The following EXOC2 variants were observed in gnomAD, a reference collection of about 807,000 sequenced individuals.
EXOC2 encodes the protein exocyst complex component 2, also known as SEC5-like 1.
EXOC2 carries 70 observed loss-of-function variants against 131.8 expected under a neutral mutation model. That is an observed-to-expected ratio of 0.53 (90% confidence interval 0.44 to 0.65). EXOC2 has a LOEUF of 0.65. Among genes scored for constraint, EXOC2 ranks in the 30% least tolerant of loss-of-function variants. The probability of loss-of-function intolerance (pLI) is 0.00; values close to 1 mark genes in which losing one functional copy is unlikely to be tolerated. For missense variants in EXOC2, 923 were observed against 1,108.6 expected (o/e 0.83, Z 2.38); for synonymous variants, 411 against 398.4 (o/e 1.03, Z -0.38).
At chr6:634,818 G>C (rs1291926826) in intron 2 of EXOC2, among the ~76,000 whole-genome samples, 2 of 151,838 alleles carry the variant, frequency 1.3e-5, no homozygotes, top group Non-Finnish European at 2.9e-5. Flanking sequence ...GCATGTCTTT[G>C]ATATTTTTTC....
At chr6:658,666 T>TATATATATATATATATA (rs1554146211) in intron 1 of EXOC2, among the ~76,000 whole-genome samples, 7 of 65,930 alleles carry the variant, frequency 1.1e-4, no homozygotes, top group South Asian at 3.9e-4. Context: ...TATATATATA[T>TATATATATATATATATA]TTTTTTTTTT....
At chr6:630,959 G>A (rs1761814739) in intron 3 of EXOC2, among the ~76,000 whole-genome samples, 1 of 152,184 alleles carries the variant, frequency 6.6e-6, no homozygotes. Context: ...CTTCCTTTAT[G>A]GGACTGAACT....
intron 1 of EXOC2, among the ~76,000 whole-genome samples, chr6:663,916 T>G (rs112046429): frequency 6.6e-6 from 1 of 152,154 alleles, no homozygotes; most frequent in Non-Finnish European, 1.5e-5. Context: ...CTCTTCAACA[T>G]AGTACTGCAA....
intron 6 of EXOC2, among the ~76,000 whole-genome samples, chr6:613,318 A>C (rs1441029588): frequency 3.3e-5 from 5 of 152,226 alleles, no homozygotes; most frequent in Non-Finnish European, 7.3e-5. Flanking sequence ...CAATGGCATA[A>C]AAACTTAAGG....
At chr6:646,709 G>A (rs1043286249) in intron 1 of EXOC2, among the ~76,000 whole-genome samples, 19 of 152,048 alleles carry the variant, frequency 1.2e-4, no homozygotes, top group Non-Finnish European at 2.4e-4. Context: ...TAATAGTTAC[G>A]TTTATATAAA....
At chr6:654,755 G>A (rs952674883) in intron 1 of EXOC2, among the ~76,000 whole-genome samples, 1 of 121,846 alleles carries the variant, frequency 8.2e-6, no homozygotes, top group Non-Finnish European at 1.6e-5. Flanking sequence ...AGTGAGCCAT[G>A]ATTGTACCAC....
intron 1 of EXOC2, among the ~76,000 whole-genome samples, chr6:652,634 C>T (rs955067192): frequency 1.3e-5 from 2 of 152,058 alleles, no homozygotes; most frequent in Admixed American, 1.3e-4. Flanking sequence ...AACCTCTCTT[C>T]GTTTTTCTCA....
intron 1 of EXOC2, chr6:679,098 A>C (rs891398665): frequency 1.3e-5 from 2 of 152,174 alleles, no homozygotes; most frequent in Non-Finnish European, 2.9e-5. Flanking sequence ...CAGAAAAATC[A>C]CAACGGTGAA....
intron 7 of EXOC2, among the ~76,000 whole-genome samples, chr6:606,653 T>G (rs1760432702): frequency 6.6e-6 from 1 of 152,224 alleles, no homozygotes; most frequent in Non-Finnish European, 1.5e-5. Flanking sequence ...ACCGTCCACA[T>G]CATGAAACAT....
intron 1 of EXOC2, among the ~76,000 whole-genome samples, chr6:663,311 C>A (rs1763500667): frequency 6.6e-6 from 1 of 152,094 alleles, no homozygotes; most frequent in Admixed American, 6.5e-5. Context: ...TAAGAAATTA[C>A]CACCAAAGAA....
intron 1 of EXOC2, among the ~76,000 whole-genome samples, chr6:692,426 A>G (rs977147300): frequency 6.6e-6 from 1 of 152,260 alleles, no homozygotes; most frequent in Admixed American, 6.5e-5. Flanking sequence ...AATGGCAGCT[A>G]CAACAGGACC....
chr6:619,579 G>C (rs748370139), intron 4 of EXOC2, 36 bp from the exon 5 acceptor site: 2 of 1,472,928 alleles, frequency 1.4e-6, no homozygotes. Context: ...TATTTCAATG[G>C]TTATTATGAC....
In EXOC2 at chr6:656,842, G is replaced by C. The variant is rs149140167; in HGVS notation, c.-43-18981C>G. Reference sequence around the variant, plus strand: ...GGGCCGAAGCACAGGCTGTCAGGGCGCACGCGGAGCACGCAGACCTTCGCT... The same window carrying C: ...GGGCCGAAGCACAGGCTGTCAGGGCCCACGCGGAGCACGCAGACCTTCGCT... On this transcript the variant is annotated intron_variant, in intron 1 of 27. Coordinates refer to ENST00000230449, the MANE Select transcript of EXOC2 (RefSeq NM_018303.6). 1.9e-4 allele frequency: 310 copies of C among 1,610,410 alleles called. No homozygotes were observed. The highest frequency in any genetic ancestry group is 2.6e-4 in the Non-Finnish European group (305 of 1,177,966).
At chr6:609,975 C>A in intron 7 of EXOC2, 123 bp downstream of exon 7, 1 of 690,928 alleles carries the variant, frequency 1.4e-6, no homozygotes, top group Non-Finnish European at 2.5e-6. Context: ...TAAATCACTA[C>A]TATTTAGAAA....
rs779866485 is a variant in EXOC2 at position 556,603 on chromosome 6, G to A, written c.1852-39C>T. 32 of 1,607,170 alleles carry A rather than the reference G, an allele frequency of 2.0e-5. 1 individual carries two copies. In the South Asian group the frequency reaches 3.3e-4, roughly 17 times the overall value. ...AGCATATTGTAAAACTCAAAAATGA[G>A]CACTGGCTGTGAAGACATGTTTAAC... On this transcript the variant is annotated intron_variant, in intron 17 of 27. Coordinates refer to ENST00000230449, the MANE Select transcript of EXOC2 (RefSeq NM_018303.6).
intron 13 of EXOC2, among the ~76,000 whole-genome samples, chr6:572,155 CAT>C (rs1163296352): frequency 6.6e-6 from 1 of 152,202 alleles, no homozygotes; most frequent in East Asian, 1.9e-4. Flanking sequence ...CTTGTTTCCT[CAT>C]TTGTTCACAG....
chr6:574,930 C>T lies in EXOC2; in HGVS notation c.1318+1827G>A, dbSNP rs374827497. On this transcript the variant is annotated intron_variant, in intron 12 of 27. Coordinates refer to ENST00000230449, the MANE Select transcript of EXOC2 (RefSeq NM_018303.6). ...AGATGGCAGGTGGCGTGCCACAGGG[C>T]GAGGCCATGGCCAGCTGCGTCAAGG... 1.3e-3 allele frequency among the ~76,000 whole-genome samples: 199 copies of T among 152,330 alleles called. 8 individuals are homozygous for T. In the South Asian group the frequency reaches 0.04, roughly 31 times the overall value.
intron 23 of EXOC2, among the ~76,000 whole-genome samples, chr6:531,231 T>C (rs1241076247): frequency 1.3e-5 from 2 of 152,238 alleles, no homozygotes; most frequent in South Asian, 2.1e-4. Flanking sequence ...ATTGGGGCAG[T>C]GGGCAGAGTG....
intron 22 of EXOC2, among the ~76,000 whole-genome samples, chr6:537,088 T>C (rs1398019641): frequency 6.6e-6 from 1 of 152,216 alleles, no homozygotes; most frequent in Admixed American, 6.5e-5. Context: ...ACAATGAGAC[T>C]GGCTGAAATA....
Sources: gnomAD v4.1 joint callset for allele counts (sites outside exome capture counted in the v4.1 genomes callset) on GRCh38, gnomAD v4.1.1 for gene constraint, MANE v1.5 for transcripts, NCBI Gene and HGNC (gene_info 2026-07-23, HGNC 2026-07-21) for gene names.